DCX: variants seen among roughly 807,000 people sequenced by gnomAD.
DCX encodes neuronal migration protein doublecortin.
In DCX, 4 loss-of-function variants were observed where a neutral mutation model predicts 20.9. That is an observed-to-expected ratio of 0.19 (90% CI 0.09 to 0.44). The LOEUF is 0.44. Ranked by LOEUF, DCX falls within the 20% of genes least tolerant of loss-of-function variation. DCX has a pLI of 0.99. For missense variants in DCX, 133 were observed against 296.9 expected (o/e 0.45, Z 4.06); for synonymous variants, 103 against 111.4 (o/e 0.92, Z 0.47).
intron 6 of DCX, among the ~76,000 whole-genome samples, chrX:111,310,070 T>A (rs992263443): frequency 8.9e-6 from 1 of 112,688 alleles, no homozygotes; most frequent in Non-Finnish European, 1.9e-5. Context: ...CGGTGGCTCA[T>A]GCCTGTAATC....
chrX:111,321,674 G>A (rs1193039691), intron 5 of DCX, among the ~76,000 whole-genome samples: 1 of 111,312 alleles, frequency 9.0e-6, no homozygotes, highest in Non-Finnish European at 1.9e-5. Context: ...CACTAGCCAG[G>A]CAGAGTGGAT....
At chrX:111,388,595 C>T (rs1266721191) in intron 3 of DCX, among the ~76,000 whole-genome samples, 3 of 112,122 alleles carry the variant, frequency 2.7e-5, no homozygotes, top group African/African-American at 9.7e-5. Flanking sequence ...TAGAGGGATT[C>T]TTGGAGTCTT....
intron 3 of DCX, among the ~76,000 whole-genome samples, chrX:111,346,073 C>T (rs1202386940): frequency 1.8e-5 from 2 of 108,156 alleles, no homozygotes; most frequent in African/African-American, 3.4e-5. Flanking sequence ...CCCTTGCCCA[C>T]TTTTTCATGG....
intron 3 of DCX, among the ~76,000 whole-genome samples, chrX:111,345,436 T>G (rs1357621292): frequency 8.9e-6 from 1 of 111,778 alleles, no homozygotes; most frequent in East Asian, 2.8e-4. Flanking sequence ...CAAAAGAAAC[T>G]ATCATCAGAG....
chrX:111,321,533 T>C (rs975786376), intron 5 of DCX, among the ~76,000 whole-genome samples: 1 of 111,064 alleles, frequency 9.0e-6, no homozygotes, highest in African/African-American at 3.3e-5. Context: ...TTTAAATATA[T>C]GGGGGAAAAT....
At chrX:111,402,026 A>G (rs964571241) in intron 2 of DCX, among the ~76,000 whole-genome samples, 26 of 112,173 alleles carry the variant, frequency 2.3e-4, no homozygotes, top group Non-Finnish European at 4.5e-4. Flanking sequence ...AACAACCAGT[A>G]CATATAAACA....
chrX:111,367,159 CTT>C (rs1281264073), intron 3 of DCX, among the ~76,000 whole-genome samples: 1 of 111,912 alleles, frequency 8.9e-6, no homozygotes, highest in Non-Finnish European at 1.9e-5. Context: ...CCTCATGCAT[CTT>C]TGTCTCTCTG....
At chrX:111,407,825 C>CAT (rs1928326709) in intron 2 of DCX, among the ~76,000 whole-genome samples, 2 of 110,195 alleles carry the variant, frequency 1.8e-5, no homozygotes, top group South Asian at 7.9e-4. Context: ...CACACACACA[C>CAT]ACACACACAC....
At chrX:111,329,386 A>T (rs1239266345) in intron 5 of DCX, among the ~76,000 whole-genome samples, 1 of 111,711 alleles carries the variant, frequency 9.0e-6, no homozygotes, top group Non-Finnish European at 1.9e-5. Context: ...TGGAGCATCT[A>T]CTAGGGGCCA....
chrX:111,388,562 C>G (rs941636048), intron 3 of DCX, among the ~76,000 whole-genome samples: 1 of 112,332 alleles, frequency 8.9e-6, no homozygotes, highest in South Asian at 3.7e-4. Context: ...GAATACTGGT[C>G]TAAACACAAG....
chrX:111,385,718 C>CAAGGAAGGAAGGAAGG (rs200945198), intron 3 of DCX, among the ~76,000 whole-genome samples: 2 of 82,016 alleles, frequency 2.4e-5, no homozygotes, highest in African/African-American at 8.9e-5. Context: ...AGCAAGAAAG[C>CAAGGAAGGAAGGAAGG]AAGGAAGGAA....
Position 111,312,634 on chromosome X carries a change from C to CA in DCX, c.1044+4dup. 1 of 1,205,671 alleles carries CA rather than the reference C, an allele frequency of 8.3e-7. No individual in the cohort carries two copies. Reference sequence around the variant, plus strand: ...AAGAGGTTTAGTAAGGTATAAGAGACATAATACCTTGTGCTTCCGGAGGCT... The same window carrying CA: ...AAGAGGTTTAGTAAGGTATAAGAGACAATAATACCTTGTGCTTCCGGAGGCT... On this transcript the variant is annotated splice_donor_region_variant and intron_variant, in intron 6 of 6. Transcript: ENST00000636035.
chrX:111,404,243 G>A (rs1381990156), intron 2 of DCX, among the ~76,000 whole-genome samples: 1 of 110,057 alleles, frequency 9.1e-6, no homozygotes, highest in Non-Finnish European at 1.9e-5. Flanking sequence ...ACTAAAAAGA[G>A]GAATAGAAGC....
At chrX:111,396,000 A>C (rs780108294) in intron 3 of DCX, among the ~76,000 whole-genome samples, 2 of 112,524 alleles carry the variant, frequency 1.8e-5, no homozygotes, top group East Asian at 5.7e-4. Flanking sequence ...TGCATTCAAC[A>C]TTTCCAAGGT....
rs185034093 is a variant in DCX at position 111,294,273 on chromosome X, G to C, written c.*7414C>G. ...TTTCTGGCTATAACTATTCTAAATA[G>C]GTGGCTAAAGTTCTTAAATATCTGT... On this transcript the variant is annotated 3_prime_UTR_variant, in exon 7 of 7. Coordinates refer to ENST00000636035, the MANE Select transcript of DCX (RefSeq NM_001195553.2). 9.0e-6 allele frequency: 1 copy of C among 110,543 alleles called. No individual in the cohort carries two copies. Among genetic ancestry groups the C allele is most frequent in the East Asian group, 2.9e-4 (1 of 3,508 alleles). 9.1% of individuals were successfully genotyped at this position (110,543 alleles called of 1,213,427 possible). A position where few individuals can be genotyped will look rare whatever the true frequency, so the allele number is the denominator to read the frequency against.
Position 111,383,242 on chromosome X carries a change from C to G in DCX, c.705+17748G>C, listed in dbSNP as rs766432292. ...GATGTAGGCTAGAAATATGCTAGAACTAGACTAACAGCACCCCCAGCTATA... is the reference window on the plus strand; with the variant it reads ...GATGTAGGCTAGAAATATGCTAGAAGTAGACTAACAGCACCCCCAGCTATA... On this transcript the variant is annotated intron_variant, in intron 3 of 6. Coordinates refer to ENST00000636035, the MANE Select transcript of DCX (RefSeq NM_001195553.2). 9.9e-5 allele frequency among the ~76,000 whole-genome samples: 11 copies of G among 111,608 alleles called. No homozygotes were observed. In the East Asian group the frequency reaches 1.7e-3, roughly 17 times the overall value.
At chrX:111,348,300 C>A (rs1037258707) in intron 3 of DCX, among the ~76,000 whole-genome samples, 1 of 112,099 alleles carries the variant, frequency 8.9e-6, no homozygotes, top group Non-Finnish European at 1.9e-5. Flanking sequence ...AAGAAGGGCA[C>A]AGAGGGGAGA....
At position 111,400,973 on chromosome X, in the gene DCX, T is replaced by G. The variant is rs767048632; in HGVS notation, c.705+17A>C. On this transcript the variant is annotated intron_variant, in intron 3 of 6. Transcript: ENST00000636035. ...AATTTAGAAAAAACGGGAAAAGTAC[T>G]TTGAAAAAGTACCTACCTGTTTTCC... 4.1e-5 allele frequency: 49 copies of G among 1,198,846 alleles called. No individual in the cohort carries two copies. The highest frequency in any genetic ancestry group is 5.5e-5 in the Non-Finnish European group (49 of 884,938).
chrX:111,304,593 G>C (rs989411110), intron 6 of DCX, among the ~76,000 whole-genome samples: 1 of 110,999 alleles, frequency 9.0e-6, no homozygotes, highest in African/African-American at 3.3e-5. Context: ...TGACCTGTGG[G>C]GTAGCTCCCT....
Sources: allele counts gnomAD v4.1 joint callset (sites outside exome capture counted in the v4.1 genomes callset), GRCh38; gene constraint gnomAD v4.1.1; transcripts MANE v1.5; gene names NCBI Gene and HGNC (gene_info 2026-07-23, HGNC 2026-07-21).